CDH4: variants seen among roughly 807,000 people sequenced by gnomAD.
CDH4 encodes the protein cadherin 4.
CDH4 carries 33 observed loss-of-function variants against 86.0 expected under a neutral mutation model. That is an observed-to-expected ratio of 0.38 (90% CI 0.29 to 0.51). The LOEUF is 0.51. Ranked by LOEUF, CDH4 falls within the 20% of genes least tolerant of loss-of-function variation. The pLI, the probability that CDH4 is intolerant of heterozygous loss-of-function variation, is 0.86. For missense variants in CDH4, 1,114 were observed against 1,307.4 expected, an observed-to-expected ratio of 0.85 and a Z score of 2.28; for synonymous variants, 555 against 549.4, an observed-to-expected ratio of 1.01 and a Z score of -0.14.
chr20:61,590,883 G>T (rs947526928), intron 2 of CDH4, among the ~76,000 whole-genome samples: 2 of 152,092 alleles, frequency 1.3e-5, no homozygotes, highest in African/African-American at 4.8e-5. Flanking sequence ...CTATGGGGGG[G>T]GGGGTCCCCG....
intron 6 of CDH4, among the ~76,000 whole-genome samples, chr20:61,863,675 C>G (rs1983424724): frequency 6.6e-6 from 1 of 152,172 alleles, no homozygotes; most frequent in Non-Finnish European, 1.5e-5. Context: ...ACTTCCCAGA[C>G]ACCAGAGCCA....
intron 2 of CDH4, among the ~76,000 whole-genome samples, chr20:61,454,380 G>A (rs1252972519): frequency 6.6e-6 from 1 of 152,136 alleles, no homozygotes; most frequent in South Asian, 2.1e-4. Flanking sequence ...GGTCAAACAC[G>A]GGCGGTTGTT....
chr20:61,515,286 G>A (rs890339038), intron 2 of CDH4, among the ~76,000 whole-genome samples: 7 of 152,222 alleles, frequency 4.6e-5, no homozygotes, highest in South Asian at 2.1e-4. Flanking sequence ...GGGAACCTGC[G>A]GTGAGCATAC....
Position 61,879,228 on chromosome 20 carries a change from C to G in CDH4, c.1050+5328C>G, listed in dbSNP as rs892112006. On this transcript the variant is annotated intron_variant, in intron 7 of 15. Coordinates refer to ENST00000614565, the MANE Select transcript of CDH4 (RefSeq NM_001794.5). The surrounding 1 kb of genome is among the most constrained non-coding windows in gnomAD (Gnocchi z 4.1). ...CCCCTGGGCCCAGGCCTGCTGAGCCCGAGAAGCTGATTTCTGTCTGGCTTG... is the reference window on the plus strand; with the variant it reads ...CCCCTGGGCCCAGGCCTGCTGAGCCGGAGAAGCTGATTTCTGTCTGGCTTG... Among the ~76,000 whole-genome samples, 1 of 152,194 alleles carries G rather than the reference C, an allele frequency of 6.6e-6. No individual in the cohort carries two copies. Among genetic ancestry groups the G allele is most frequent in the Non-Finnish European group, 1.5e-5 (1 of 68,046 alleles).
At chr20:61,534,109 C>G (rs986292920) in intron 2 of CDH4, among the ~76,000 whole-genome samples, 5 of 152,220 alleles carry the variant, frequency 3.3e-5, no homozygotes, top group African/African-American at 1.2e-4. Context: ...TAATCTCACA[C>G]TTGAATATCA....
chr20:61,565,214 TCGGTGGTAGGTGGTGG>T (rs1297256891), intron 2 of CDH4, among the ~76,000 whole-genome samples: 4 of 31,318 alleles, frequency 1.3e-4, no homozygotes, highest in East Asian at 5.3e-4. Context: ...CGCGGTGCTC[TCGGTGGTAGGTGGTGG>T]TGGTGGTGGT....
chr20:61,444,353 A>ATG (rs2085332689), intron 2 of CDH4, among the ~76,000 whole-genome samples: 1 of 17,260 alleles, frequency 5.8e-5, no homozygotes, highest in East Asian at 1.4e-3. Context: ...GTGTCTGTGT[A>ATG]TATTTTTGTG....
At chr20:61,508,478 G>A (rs1379701413) in intron 2 of CDH4, among the ~76,000 whole-genome samples, 1 of 152,242 alleles carries the variant, frequency 6.6e-6, no homozygotes, top group Non-Finnish European at 1.5e-5. Context: ...CTGTGGCTGG[G>A]TCACTTGGGT....
chr20:61,353,689 C>T (rs1441975844), intron 2 of CDH4, among the ~76,000 whole-genome samples: 2 of 31,038 alleles, frequency 6.4e-5, no homozygotes, highest in Admixed American at 3.2e-4. Flanking sequence ...CCTCCCCCTC[C>T]TCCTCCCCTC....
intron 4 of CDH4, among the ~76,000 whole-genome samples, chr20:61,841,034 C>G (rs1045641928): frequency 3.9e-5 from 6 of 152,212 alleles, no homozygotes; most frequent in Admixed American, 3.3e-4. Context: ...GATTGATTCG[C>G]CCAAAACTAG....
intron 2 of CDH4, among the ~76,000 whole-genome samples, chr20:61,521,364 T>C (rs1261464031): frequency 6.6e-6 from 1 of 152,112 alleles, no homozygotes; most frequent in Non-Finnish European, 1.5e-5. Flanking sequence ...TTGGGGAGTA[T>C]ATTTTAAGAG....
At chr20:61,888,718 G>A (rs1019465709) in intron 7 of CDH4, among the ~76,000 whole-genome samples, 7 of 152,200 alleles carry the variant, frequency 4.6e-5, no homozygotes, top group Non-Finnish European at 8.8e-5. Context: ...GCGGGCATCG[G>A]GCTGATGTCA....
chr20:61,549,531 G>T (rs752957115), intron 2 of CDH4, among the ~76,000 whole-genome samples: 2 of 152,228 alleles, frequency 1.3e-5, no homozygotes, highest in Non-Finnish European at 2.9e-5. Flanking sequence ...GCCATGGTTT[G>T]CTTGCTTTGT....
At chr20:61,332,861 A>C (rs1243714970) in intron 2 of CDH4, among the ~76,000 whole-genome samples, 1 of 152,208 alleles carries the variant, frequency 6.6e-6, no homozygotes, top group Non-Finnish European at 1.5e-5. Context: ...TTTCGGGAGA[A>C]GGCTGTGGTC....
At chr20:61,897,229 C>T (rs973405783) in intron 8 of CDH4, among the ~76,000 whole-genome samples, 12 of 152,266 alleles carry the variant, frequency 7.9e-5, no homozygotes, top group African/African-American at 2.9e-4. Context: ...GGTCCTAAAT[C>T]CCAAAATTCA....
At chr20:61,357,681 T>C (rs148652475) in intron 2 of CDH4, among the ~76,000 whole-genome samples, 1 of 152,016 alleles carries the variant, frequency 6.6e-6, no homozygotes, top group East Asian at 1.9e-4. Flanking sequence ...TGCTAGAGCT[T>C]CACCTCTTCC....
chr20:61,699,397 C>T (rs2087749791), intron 2 of CDH4, among the ~76,000 whole-genome samples: 2 of 152,174 alleles, frequency 1.3e-5, no homozygotes, highest in South Asian at 4.1e-4. Flanking sequence ...GTGACAGGGC[C>T]ACGGTTGCCA....
intron 2 of CDH4, among the ~76,000 whole-genome samples, chr20:61,693,565 C>G (rs1365245540): frequency 2.0e-5 from 3 of 152,250 alleles, no homozygotes; most frequent in Non-Finnish European, 2.9e-5. Flanking sequence ...AGCCCACCTG[C>G]CTCCTCTGCC....
chr20:61,711,362 A>T (rs577055708), intron 2 of CDH4, among the ~76,000 whole-genome samples: 1 of 152,306 alleles, frequency 6.6e-6, no homozygotes, highest in South Asian at 2.1e-4. Context: ...AGATATTTCC[A>T]TATAGCGATG....
Sources: allele counts gnomAD v4.1 joint callset (sites outside exome capture counted in the v4.1 genomes callset), GRCh38; gene constraint gnomAD v4.1.1; non-coding constraint Gnocchi (gnomAD v3.1); transcripts MANE v1.5; gene names NCBI Gene and HGNC (gene_info 2026-07-23, HGNC 2026-07-21).